The following FANCD2OS variants were observed in gnomAD, a reference collection of about 807,000 sequenced individuals.
The protein encoded by FANCD2OS is FANCD2 opposite strand protein.
FANCD2OS carries 11 observed loss-of-function variants against 13.2 expected under a neutral mutation model. That is an observed-to-expected ratio of 0.83 (90% CI 0.52 to 1.38). The LOEUF is 1.38. Ranked by LOEUF, FANCD2OS falls within the 40% of genes most tolerant of loss-of-function variation. FANCD2OS has a pLI of 0.00. For synonymous variants in FANCD2OS, 69 were observed against 84.5 expected, an observed-to-expected ratio of 0.82 and a Z score of 1.01; for missense variants, 217 against 213.9, an observed-to-expected ratio of 1.01 and a Z score of -0.09.
At chr3:10,097,836 G>A (rs1695064841) in intron 2 of FANCD2OS, among the ~76,000 whole-genome samples, 1 of 152,184 alleles carries the variant, frequency 6.6e-6, no homozygotes, top group Admixed American at 6.5e-5. Flanking sequence ...ACAGGCATAA[G>A]AAATTACAAA....
rs1236114932 is a variant in FANCD2OS, at chr3:10,104,293, A to G, written c.482T>C (p.Leu161Ser). 1 of 1,614,076 alleles carries G rather than the reference A, an allele frequency of 6.2e-7. No individual in the cohort carries two copies. The highest frequency in any genetic ancestry group is 1.7e-5 in the Admixed American group (1 of 59,986). The change falls in exon 2 of 2, where the codon TTG becomes TCG. Residue 161 changes from leucine to serine, a missense_variant. Coordinates refer to ENST00000450660, the MANE Select transcript of FANCD2OS (RefSeq NM_001164839.2). ...GCACTTTTTGTAAGTTGCATACAGC[A>G]AGAGGATAGAGCGCAGCATCTGTTT... Reference protein sequence around the residue: ...MCKQMLRSILLLYATYKKCTF... With the variant: ...MCKQMLRSILSLYATYKKCTF...
chr3:10,097,601 T>TG (rs1695050227), intron 2 of FANCD2OS, among the ~76,000 whole-genome samples: 1 of 152,220 alleles, frequency 6.6e-6, no homozygotes, highest in Non-Finnish European at 1.5e-5. Flanking sequence ...TACCCTGTTG[T>TG]TTTTTCAGGG....
downstream of FANCD2OS, chr3:10,098,845 C>T (rs750261535): frequency 6.2e-7 from 1 of 1,614,212 alleles, no homozygotes; most frequent in Non-Finnish European, 8.5e-7. Flanking sequence ...CAGAGTCTGG[C>T]ACTGATGGTT....
At chr3:10,090,141 C>T in intron 2 of FANCD2OS, 1 of 654,504 alleles carries the variant, frequency 1.5e-6, no homozygotes, top group Middle Eastern at 4.1e-4. Context: ...ATTACTGAGT[C>T]CTTTCCGCTC....
At chr3:10,086,309 T>C (rs1230382098) in intron 2 of FANCD2OS, among the ~76,000 whole-genome samples, 3 of 152,142 alleles carry the variant, frequency 2.0e-5, no homozygotes, top group Non-Finnish European at 4.4e-5. Context: ...AGGAAGACCT[T>C]ATGTGGCTGA....
chr3:10,101,715 C>G (rs1334481391), downstream of FANCD2OS: 1 of 261,912 alleles, frequency 3.8e-6, no homozygotes, highest in Non-Finnish European at 7.5e-6. Context: ...TCTTTATTAA[C>G]TTGTGGACAT....
chr3:10,108,448 GC>G (rs1695561925), upstream of FANCD2OS, among the ~76,000 whole-genome samples: 1 of 152,158 alleles, frequency 6.6e-6, no homozygotes. Context: ...CTTCAGGAGG[GC>G]TGGTCCGAAT....
At chr3:10,102,824 C>G (rs1033074880), downstream of FANCD2OS, 1 of 144,084 alleles carries the variant, frequency 6.9e-6, no homozygotes, top group Non-Finnish European at 1.3e-5. Flanking sequence ...GCCTGGGCAA[C>G]AGAGCGAGAC....
intron 2 of FANCD2OS, among the ~76,000 whole-genome samples, chr3:10,089,546 T>C (rs906974612): frequency 6.6e-6 from 1 of 151,674 alleles, no homozygotes; most frequent in African/African-American, 2.4e-5. Context: ...CTCAGCTCAC[T>C]GCAACCTCCA....
chr3:10,090,813 G>A (rs1335258536), intron 2 of FANCD2OS, among the ~76,000 whole-genome samples: 4 of 151,298 alleles, frequency 2.6e-5, no homozygotes, highest in Non-Finnish European at 4.4e-5. Context: ...GCTGTTTTTT[G>A]TTTTTGTTTT....
intron 2 of FANCD2OS, chr3:10,090,258 T>C (rs778698499): frequency 1.3e-6 from 2 of 1,496,624 alleles, no homozygotes; most frequent in South Asian, 1.1e-5. Flanking sequence ...CAGTGCATCA[T>C]GGTGTGGGCA....
downstream of FANCD2OS, chr3:10,101,379 T>A: frequency 1.2e-5 from 2 of 173,856 alleles, no homozygotes; most frequent in Non-Finnish European, 2.1e-5. Context: ...TTGTTCCTCT[T>A]TTTTTTTTTT....
intron 1 of FANCD2OS, among the ~76,000 whole-genome samples, chr3:10,107,655 G>A (rs1695539314): frequency 6.6e-6 from 1 of 151,892 alleles, no homozygotes; most frequent in South Asian, 2.1e-4. Context: ...TTTGTCAAAT[G>A]TCCAGCCTAG....
chr3:10,095,919 T>C (rs528953711), intron 2 of FANCD2OS, among the ~76,000 whole-genome samples: 24 of 151,676 alleles, frequency 1.6e-4, no homozygotes, highest in Non-Finnish European at 1.3e-4. Context: ...TCTCGCTTTG[T>C]AGCCCAGGCC....
chr3:10,106,401 G>GT (rs1177110139), intron 1 of FANCD2OS, among the ~76,000 whole-genome samples: 2 of 152,140 alleles, frequency 1.3e-5, no homozygotes, highest in Non-Finnish European at 2.9e-5. Flanking sequence ...TATATAAGAA[G>GT]TTTTACTAAA....
At chr3:10,103,120 T>C (rs1489450817), downstream of FANCD2OS, 1 of 435,482 alleles carries the variant, frequency 2.3e-6, no homozygotes, top group South Asian at 1.6e-5. Flanking sequence ...CAAAAATTAA[T>C]GGCCGGGCGC....
chr3:10,098,906 G>A (rs771414227), downstream of FANCD2OS: 1 of 1,613,928 alleles, frequency 6.2e-7, no homozygotes, highest in Non-Finnish European at 8.5e-7. Context: ...GCCTACTTAT[G>A]TTTATTGTCA....
intron 2 of FANCD2OS, chr3:10,087,416 TC>T: frequency 1.3e-6 from 1 of 742,270 alleles, no homozygotes; most frequent in South Asian, 1.8e-5. Context: ...AAGGTCATTT[TC>T]CCAGAACAAC....
chr3:10,095,036 G>A, intron 2 of FANCD2OS: 1 of 662,224 alleles, frequency 1.5e-6, no homozygotes. Flanking sequence ...AGAATAAGAG[G>A]TAGCTGCTAT....
Sources: gnomAD v4.1 joint callset for allele counts (sites outside exome capture counted in the v4.1 genomes callset) on GRCh38, gnomAD v4.1.1 for gene constraint, MANE v1.5 for transcripts, NCBI Gene and HGNC (gene_info 2026-07-23, HGNC 2026-07-21) for gene names.